PCDHGB4: variants seen among roughly 807,000 people sequenced by gnomAD.
PCDHGB4 encodes the protein protocadherin gamma subfamily B, 4, also known as protocadherin gamma-B4.
Under a neutral mutation model 60.5 loss-of-function variants are expected in PCDHGB4, and 38 were observed. The ratio of observed to expected loss-of-function variants is 0.63; its 90% confidence interval spans 0.48 to 0.82. PCDHGB4 has a LOEUF of 0.82. Among genes scored for constraint, PCDHGB4 ranks in the 40% least tolerant of loss-of-function variants. The pLI is 0.00. For missense variants in PCDHGB4, 1,109 were observed against 1,209.6 expected (o/e 0.92, Z 1.23); for synonymous variants, 456 against 509.7 (o/e 0.89, Z 1.42).
At position 141,487,748 on chromosome 5, in the gene PCDHGB4, T is replaced by C. The variant is rs1458153935; in HGVS notation, c.2398-7059T>C. On this transcript the variant is annotated intron_variant, in intron 1 of 3. Coordinates refer to ENST00000519479, the MANE Select transcript of PCDHGB4 (RefSeq NM_003736.4). The surrounding 1 kb of genome is among the most constrained non-coding windows in gnomAD (Gnocchi z 5.0). ...TGTCACCATTTTTGTAAGAGGTAAC[T>C]ATGTGGTAGACGCTGTGCTTTGTAA... 1 of 1,557,436 alleles carries C rather than the reference T, an allele frequency of 6.4e-7. No individual in the cohort carries two copies. Among genetic ancestry groups the C allele is most frequent in the Non-Finnish European group, 8.7e-7 (1 of 1,149,514 alleles).
rs542218864 is a variant in PCDHGB4, at chr5:141,388,886, A to G, written c.1002A>G (p.Glu334=). 1 of 1,613,988 alleles carries G rather than the reference A, an allele frequency of 6.2e-7. No homozygotes were observed. Among genetic ancestry groups the G allele is most frequent in the Non-Finnish European group, 8.5e-7 (1 of 1,179,858 alleles). ...TTGCGCAATGCACAGTGGAGGTAGA[A>G]GTCATAGATGAAAATGACAACGCCC... ...GMIAQCTVEV[E]VIDENDNAPE... is the part of the protein sequence containing the mutation. The change falls in exon 1 of 4, where the codon GAA becomes GAG. Residue 334 remains glutamate, a synonymous_variant. Coordinates refer to ENST00000519479, the MANE Select transcript of PCDHGB4 (RefSeq NM_003736.4).
At chr5:141,460,909 G>A (rs1473458228) in intron 1 of PCDHGB4, among the ~76,000 whole-genome samples, 4 of 123,246 alleles carry the variant, frequency 3.2e-5, no homozygotes, top group Non-Finnish European at 6.6e-5. Context: ...AATATTCCAT[G>A]GTGTATATAT....
rs2099401367 is a variant in PCDHGB4 at position 141,476,906 on chromosome 5, G to C, written c.2398-17901G>C. ...GGATGCACCCTCCGGCACGCGCGTG[G>C]TACAAGTCCTTGCAACGGATCTGGA... is the stretch of plus-strand genomic sequence containing the variant. On this transcript the variant is annotated intron_variant, in intron 1 of 3. Coordinates refer to ENST00000519479, the MANE Select transcript of PCDHGB4 (RefSeq NM_003736.4). The surrounding 1 kb of genome is among the most constrained non-coding windows in gnomAD (Gnocchi z 7.6). 2 of 1,614,050 alleles carry C rather than the reference G, an allele frequency of 1.2e-6. No homozygotes were observed. The highest frequency in any genetic ancestry group is 1.7e-6 in the Non-Finnish European group (2 of 1,180,044).
chr5:141,445,389 C>T (rs1484183450), intron 1 of PCDHGB4, among the ~76,000 whole-genome samples: 1 of 152,174 alleles, frequency 6.6e-6, no homozygotes, highest in Non-Finnish European at 1.5e-5. Flanking sequence ...CATTCATTTA[C>T]ATAACAAATA....
At chr5:141,420,056 T>C (rs1241770239) in intron 1 of PCDHGB4, 1 of 1,614,044 alleles carries the variant, frequency 6.2e-7, no homozygotes, top group Admixed American at 1.7e-5. Flanking sequence ...AGTTCTCTGC[T>C]CCAAGTCCGG....
intron 1 of PCDHGB4, chr5:141,415,170 C>T (rs781724309): frequency 3.7e-6 from 6 of 1,613,878 alleles, no homozygotes; most frequent in South Asian, 2.2e-5. Flanking sequence ...TCACGCTCAC[C>T]GTGGCCGTGG....
At position 141,486,653 on chromosome 5, in the gene PCDHGB4, C is replaced by A; in HGVS notation, c.2398-8154C>A. 1 of 1,613,968 alleles carries A rather than the reference C, an allele frequency of 6.2e-7. No homozygotes were observed. Among genetic ancestry groups the A allele is most frequent in the Non-Finnish European group, 8.5e-7 (1 of 1,180,034 alleles). On this transcript the variant is annotated intron_variant, in intron 1 of 3. Coordinates refer to ENST00000519479, the MANE Select transcript of PCDHGB4 (RefSeq NM_003736.4). This position sits in a 1 kb window ranked among gnomAD's most constrained non-coding sequence, Gnocchi z 5.0. ...CTTGAATGCGCTTATCTCCTACTCA[C>A]TCCTGGAGCCCAGGAATCGAGATGT... is the stretch of plus-strand genomic sequence containing the variant.
intron 2 of PCDHGB4, among the ~76,000 whole-genome samples, chr5:141,502,988 C>A (rs1285178746): frequency 6.7e-6 from 1 of 150,346 alleles, no homozygotes; most frequent in Non-Finnish European, 1.5e-5. Flanking sequence ...GGATTACAGG[C>A]GTGTGCCACC....
At chr5:141,394,310 GC>G in intron 1 of PCDHGB4, 6 of 1,613,936 alleles carry the variant, frequency 3.7e-6, no homozygotes, top group Non-Finnish European at 5.1e-6. Context: ...TGCAGGGGGC[GC>G]CCCTGTCCTC....
At chr5:141,399,445 G>A (rs2093810599) in intron 1 of PCDHGB4, 1 of 1,614,032 alleles carries the variant, frequency 6.2e-7, no homozygotes, top group Non-Finnish European at 8.5e-7. Context: ...ACATATCAGA[G>A]ACGTCAACGA....
At position 141,486,616 on chromosome 5, in the gene PCDHGB4, C is replaced by T. The variant is rs759167270; in HGVS notation, c.2398-8191C>T. On this transcript the variant is annotated intron_variant, in intron 1 of 3. Coordinates refer to ENST00000519479, the MANE Select transcript of PCDHGB4 (RefSeq NM_003736.4). The surrounding 1 kb of genome is among the most constrained non-coding windows in gnomAD (Gnocchi z 5.0). ...TGCTTTGCTCCCTTGCAGCCTCTGA[C>T]CCAGACTCTGGCTTGAATGCGCTTA... is the stretch of plus-strand genomic sequence containing the variant. 2 of 1,613,500 alleles carry T rather than the reference C, an allele frequency of 1.2e-6. No individual in the cohort carries two copies. The highest frequency in any genetic ancestry group is 3.3e-5 in the Admixed American group (2 of 60,004).
intron 3 of PCDHGB4, 72 bp from the exon 4 acceptor site, chr5:141,510,875 C>T: frequency 6.2e-7 from 1 of 1,610,120 alleles, no homozygotes; most frequent in Admixed American, 1.7e-5. Context: ...TCATTAACTG[C>T]TGGGGATATA....
chr5:141,476,521 C>T lies in PCDHGB4; in HGVS notation c.2398-18286C>T. On this transcript the variant is annotated intron_variant, in intron 1 of 3. Transcript: ENST00000519479. The surrounding 1 kb of genome is among the most constrained non-coding windows in gnomAD (Gnocchi z 7.6). ...ACATCAACGACAACAATCCTGCTTT[C>T]CCTACCCAGGAAATGAAATTGGAGA... 4 of 1,614,214 alleles carry T rather than the reference C, an allele frequency of 2.5e-6. No homozygotes were observed. The highest frequency in any genetic ancestry group is 3.4e-6 in the Non-Finnish European group (4 of 1,180,036).
At chr5:141,423,557 G>C in intron 1 of PCDHGB4, 2 of 1,613,654 alleles carry the variant, frequency 1.2e-6, no homozygotes, top group Non-Finnish European at 1.7e-6. Context: ...CCCAACTATG[G>C]GGACACGCTC....
At chr5:141,462,651 CA>C (rs60282352) in intron 1 of PCDHGB4, among the ~76,000 whole-genome samples, 42,411 of 152,004 alleles carry the variant, frequency 0.28, 6,634 homozygotes, top group African/African-American at 0.43. Flanking sequence ...TTTCCATCCT[CA>C]ATTATCTTCA....
chr5:141,505,592 A>T, intron 3 of PCDHGB4, 111 bp downstream of exon 3: 2 of 1,567,266 alleles, frequency 1.3e-6, no homozygotes, highest in Admixed American at 3.6e-5. Flanking sequence ...GTTTCTCCAG[A>T]TCTTTCGGCA....
At chr5:141,391,839 T>G (rs995589062) in intron 1 of PCDHGB4, 1 of 152,244 alleles carries the variant, frequency 6.6e-6, no homozygotes, top group Non-Finnish European at 1.5e-5. Context: ...AGAATATATG[T>G]AAAAGTCAAG....
At chr5:141,483,757 C>T (rs895694800) in intron 1 of PCDHGB4, among the ~76,000 whole-genome samples, 1 of 151,984 alleles carries the variant, frequency 6.6e-6, no homozygotes, top group Non-Finnish European at 1.5e-5. Flanking sequence ...AGGATCGAGG[C>T]TTGGAAAAAT....
chr5:141,432,172 CGTCTCTGTGACCGCCCACGACCCCGA>C lies in PCDHGB4; in HGVS notation c.2397+41892_2397+41917del. 6.2e-7 allele frequency: 1 copy of C among 1,614,152 alleles called. No individual in the cohort carries two copies. Among genetic ancestry groups the C allele is most frequent in the Non-Finnish European group, 8.5e-7 (1 of 1,180,038 alleles). ...AGAACAATCCCAGAGGAGTTTCCCT[CGTCTCTGTGACCGCCCACGACCCCGA>C]CTGTGAAGAGAACGCCCAGATCACT... On this transcript the variant is annotated intron_variant, in intron 1 of 3. Transcript: ENST00000519479. The surrounding 1 kb of genome is among the most constrained non-coding windows in gnomAD (Gnocchi z 6.0).
Sources: allele counts gnomAD v4.1 joint callset (sites outside exome capture counted in the v4.1 genomes callset), GRCh38; gene constraint gnomAD v4.1.1; non-coding constraint Gnocchi (gnomAD v3.1); transcripts MANE v1.5; gene names NCBI Gene and HGNC (gene_info 2026-07-23, HGNC 2026-07-21).